The following ATG4C variants were observed in gnomAD, a reference collection of about 807,000 sequenced individuals.
The protein encoded by ATG4C is cysteine protease ATG4C.
A neutral mutation model predicts 57.6 loss-of-function variants in ATG4C; 56 were observed. The observed-to-expected ratio is 0.97, with a 90% CI of 0.78 to 1.21. The LOEUF is 1.21. Among genes scored for constraint, ATG4C ranks in the 50% most tolerant of loss-of-function variants. The pLI is 0.00. For missense variants in ATG4C, 595 were observed against 529.8 expected (o/e 1.12, Z -1.21); for synonymous variants, 157 against 174.1 (o/e 0.90, Z 0.78).
At chr1:62,849,390 C>A (rs1168748811) in intron 10 of ATG4C, among the ~76,000 whole-genome samples, 1 of 152,068 alleles carries the variant, frequency 6.6e-6, no homozygotes, top group Non-Finnish European at 1.5e-5. Flanking sequence ...ATATTTATTC[C>A]ATTATCTCTG....
chr1:62,823,207 G>A (rs1157506108), intron 6 of ATG4C, among the ~76,000 whole-genome samples: 5 of 152,112 alleles, frequency 3.3e-5, no homozygotes, highest in Non-Finnish European at 7.4e-5. Context: ...TATATTTTCT[G>A]CCACCTTTCA....
intron 3 of ATG4C, among the ~76,000 whole-genome samples, chr1:62,813,956 G>A (rs1665177185): frequency 6.6e-6 from 1 of 152,204 alleles, no homozygotes; most frequent in Admixed American, 6.5e-5. Context: ...AGATGCTGGA[G>A]AGGATGTGGA....
intron 3 of ATG4C, among the ~76,000 whole-genome samples, chr1:62,806,889 T>C (rs1664898996): frequency 6.6e-6 from 1 of 152,186 alleles, no homozygotes; most frequent in African/African-American, 2.4e-5. Flanking sequence ...CCTTAAGCTG[T>C]GAAGAATTAG....
Position 62,805,271 on chromosome 1 carries a change from G to A in ATG4C, c.160+16G>A. 6.8e-7 allele frequency: 1 copy of A among 1,464,622 alleles called. No individual in the cohort carries two copies. The highest frequency in any genetic ancestry group is 9.0e-7 in the Non-Finnish European group (1 of 1,113,444). The allele number at this position is 1,464,622 out of a possible 1,614,324, so 90.7% of individuals were successfully genotyped here. A position where few individuals can be genotyped will look rare whatever the true frequency, so the allele number is the denominator to read the frequency against. On this transcript the variant is annotated intron_variant, in intron 3 of 10. Coordinates refer to ENST00000317868, the MANE Select transcript of ATG4C (RefSeq NM_032852.4). The stretch of plus-strand genomic sequence containing the variant: ...AAATATGAAGGTAAGTACAAAATTT[G>A]TAAACCATTTAAAAATTTTTGTAGA...
At chr1:62,800,265 C>G (rs1429951533) in intron 1 of ATG4C, among the ~76,000 whole-genome samples, 1 of 152,072 alleles carries the variant, frequency 6.6e-6, no homozygotes, top group Non-Finnish European at 1.5e-5. Flanking sequence ...TCTAGAAGAC[C>G]AAGCTTGGTG....
At position 62,823,932 on chromosome 1, in the gene ATG4C, C is replaced by T. The variant is rs191681219; in HGVS notation, c.796+2723C>T. Reference sequence around the variant, plus strand: ...GGCAGAATTACTTTTCCTCTGTGGTCTGTAACATTTGGAAATACTTCTATT... The same window carrying T: ...GGCAGAATTACTTTTCCTCTGTGGTTTGTAACATTTGGAAATACTTCTATT... On this transcript the variant is annotated intron_variant, in intron 6 of 10. Coordinates refer to ENST00000317868, the MANE Select transcript of ATG4C (RefSeq NM_032852.4). Among the ~76,000 whole-genome samples, 16 of 152,206 alleles carry T rather than the reference C, an allele frequency of 1.1e-4. No individual in the cohort carries two copies. The East Asian group carries it at 2.5e-3, about 24-fold the overall frequency.
chr1:62,803,928 C>A, intron 2 of ATG4C, 66 bp downstream of exon 2: 1 of 968,052 alleles, frequency 1.0e-6, no homozygotes, highest in Non-Finnish European at 1.6e-6. Context: ...ATCATTTCCC[C>A]TCTTAAGTCA....
chr1:62,860,017 ATTCTT>A (rs1415579994), intron 10 of ATG4C, among the ~76,000 whole-genome samples: 1 of 152,190 alleles, frequency 6.6e-6, no homozygotes, highest in Non-Finnish European at 1.5e-5. Flanking sequence ...TTTTCTTTCT[ATTCTT>A]ATTCTATAAG....
Position 62,865,516 on chromosome 1 carries a change from A to G in ATG4C, c.*1357A>G, listed in dbSNP as rs978137590. On this transcript the variant is annotated 3_prime_UTR_variant, in exon 11 of 11. Transcript: ENST00000317868. Reference sequence around the variant, plus strand: ...TGAAATAAATAGTCTGAAATCTAAAAGTTTTCTTTAGTCTAAATACAGTCA... The same window carrying G: ...TGAAATAAATAGTCTGAAATCTAAAGGTTTTCTTTAGTCTAAATACAGTCA... 1.3e-5 allele frequency: 2 copies of G among 151,964 alleles called. No individual in the cohort carries two copies. Among genetic ancestry groups the G allele is most frequent in the African/African-American group, 4.8e-5 (2 of 41,438 alleles). 9.4% of individuals were successfully genotyped at this position (151,964 alleles called of 1,614,324 possible).
At chr1:62,825,455 T>G (rs1216881797) in intron 6 of ATG4C, among the ~76,000 whole-genome samples, 1 of 152,116 alleles carries the variant, frequency 6.6e-6, no homozygotes, top group Non-Finnish European at 1.5e-5. Context: ...TGCCTCCTTA[T>G]TCACTCCTTC....
chr1:62,862,621 A>G (rs1329806540), intron 10 of ATG4C, among the ~76,000 whole-genome samples: 1 of 152,090 alleles, frequency 6.6e-6, no homozygotes, highest in Non-Finnish European at 1.5e-5. Context: ...TCAGCAATGT[A>G]TAAATAAGCA....
In ATG4C at chr1:62,819,144, G is replaced by C; in HGVS notation, c.534G>C (p.Leu178=). 1 of 1,613,250 alleles carries C rather than the reference G, an allele frequency of 6.2e-7. No homozygotes were observed. Among genetic ancestry groups the C allele is most frequent in the African/African-American group, 1.3e-5 (1 of 74,994 alleles). Residue 178 remains leucine (L), a synonymous_variant, in exon 5 of 11, where the codon CTG becomes CTC. Transcript: ENST00000317868. The stretch of plus-strand genomic sequence containing the variant: ...AATTCAAAACCCCAACAATTTCTCT[G>C]AAGGAAACAATTGGGAAATATTCTG... The part of the protein sequence containing the change: ...EREFKTPTIS[L]KETIGKYSDD...
In ATG4C at chr1:62,801,035, G is replaced by A. The variant is rs1664639060; in HGVS notation, c.-68-2684G>A. Among the ~76,000 whole-genome samples, 3 of 152,108 alleles carry A rather than the reference G, an allele frequency of 2.0e-5. No individual in the cohort carries two copies. In the South Asian group the frequency reaches 6.2e-4, roughly 31 times the overall value. ...TTGAGTTAGAGGGAACAGATGCAAA[G>A]GCATGAGGTACCAGATAACATACCA... On this transcript the variant is annotated intron_variant, in intron 1 of 10. Transcript: ENST00000317868.
At chr1:62,802,591 T>C (rs947767727) in intron 1 of ATG4C, among the ~76,000 whole-genome samples, 10 of 152,202 alleles carry the variant, frequency 6.6e-5, no homozygotes, top group Non-Finnish European at 1.3e-4. Context: ...CATGCTGCTA[T>C]TGAAGTAAAA....
chr1:62,848,701 A>G (rs539707756), intron 10 of ATG4C, among the ~76,000 whole-genome samples: 2 of 152,292 alleles, frequency 1.3e-5, no homozygotes, highest in Admixed American at 6.5e-5. Context: ...CATAACCACA[A>G]TATAACTATC....
At chr1:62,834,315 A>C (rs1665931369) in intron 8 of ATG4C, among the ~76,000 whole-genome samples, 199 bp downstream of exon 8, 2 of 152,076 alleles carry the variant, frequency 1.3e-5, no homozygotes. Context: ...AATTTCTGTT[A>C]CTGCATAAAC....
At chr1:62,824,608 G>A (rs543805579) in intron 6 of ATG4C, among the ~76,000 whole-genome samples, 2 of 151,046 alleles carry the variant, frequency 1.3e-5, no homozygotes, top group South Asian at 4.2e-4. Context: ...TTGAACTGTG[G>A]TACTTAGACT....
chr1:62,845,580 A>G (rs1666303115), intron 10 of ATG4C, among the ~76,000 whole-genome samples: 2 of 152,154 alleles, frequency 1.3e-5, no homozygotes, highest in African/African-American at 4.8e-5. Flanking sequence ...TAATACTTTT[A>G]TGGTTTTTGA....
chr1:62,800,824 T>C (rs545873900), intron 1 of ATG4C, among the ~76,000 whole-genome samples: 2 of 152,314 alleles, frequency 1.3e-5, no homozygotes, highest in African/African-American at 4.8e-5. Flanking sequence ...GTGCAATGAA[T>C]GTGGTGATAC....
Sources: allele counts gnomAD v4.1 joint callset (sites outside exome capture counted in the v4.1 genomes callset), GRCh38; gene constraint gnomAD v4.1.1; transcripts MANE v1.5; gene names NCBI Gene and HGNC (gene_info 2026-07-23, HGNC 2026-07-21).